LSAMP: variants seen among roughly 807,000 people sequenced by gnomAD.
The protein encoded by LSAMP is limbic system-associated membrane protein.
LSAMP carries 7 observed loss-of-function variants against 38.6 expected under a neutral mutation model. That is an observed-to-expected ratio of 0.18 (90% CI 0.10 to 0.34). The LOEUF (loss-of-function observed/expected upper bound fraction) is 0.34, where lower values mean the gene tolerates loss of function less well. Among genes scored for constraint, LSAMP ranks in the 10% least tolerant of loss-of-function variants. The pLI, the probability that LSAMP is intolerant of heterozygous loss-of-function variation, is 1.00. For synonymous variants in LSAMP, 154 were observed against 166.8 expected, an observed-to-expected ratio of 0.92 and a Z score of 0.59; for missense variants, 313 against 420.0, an observed-to-expected ratio of 0.75 and a Z score of 2.23.
intron 1 of LSAMP, among the ~76,000 whole-genome samples, chr3:116,281,792 C>A (rs563598211): frequency 6.6e-6 from 1 of 152,292 alleles, no homozygotes; most frequent in South Asian, 2.1e-4. Flanking sequence ...CTCCTCCCCA[C>A]ATTTAAAGTT....
At chr3:115,923,466 C>T (rs952401175) in intron 3 of LSAMP, among the ~76,000 whole-genome samples, 5 of 152,178 alleles carry the variant, frequency 3.3e-5, no homozygotes, top group Non-Finnish European at 7.3e-5. Context: ...TATTTTGGTG[C>T]ATATATTGTT....
intron 3 of LSAMP, among the ~76,000 whole-genome samples, chr3:116,008,303 A>G (rs1431213158): frequency 6.6e-6 from 1 of 152,224 alleles, no homozygotes; most frequent in Non-Finnish European, 1.5e-5. Flanking sequence ...AAAGTAAATT[A>G]TGGACAGCAG....
intron 3 of LSAMP, among the ~76,000 whole-genome samples, chr3:115,921,074 C>T (rs1320324660): frequency 6.6e-6 from 1 of 152,040 alleles, no homozygotes; most frequent in Non-Finnish European, 1.5e-5. Context: ...CTTTCACTTT[C>T]AGCCTGTATG....
chr3:116,236,634 G>A (rs534054488), intron 1 of LSAMP, among the ~76,000 whole-genome samples: 2 of 152,144 alleles, frequency 1.3e-5, no homozygotes, highest in South Asian at 4.1e-4. Context: ...TAAGAAGACA[G>A]CAAATGAGAT....
intron 1 of LSAMP, among the ~76,000 whole-genome samples, chr3:116,417,165 C>T (rs1354338433): frequency 6.6e-6 from 1 of 152,100 alleles, no homozygotes; most frequent in East Asian, 1.9e-4. Flanking sequence ...TGTGTATCAA[C>T]CAAAAATTCA....
At chr3:116,340,063 G>A (rs1047321645) in intron 1 of LSAMP, among the ~76,000 whole-genome samples, 4 of 152,062 alleles carry the variant, frequency 2.6e-5, no homozygotes, top group African/African-American at 9.7e-5. Flanking sequence ...AAGGCATTGG[G>A]AACAGAGCAA....
intron 2 of LSAMP, among the ~76,000 whole-genome samples, chr3:116,054,345 GC>G (rs891638986): frequency 6.6e-6 from 1 of 152,128 alleles, no homozygotes; most frequent in Non-Finnish European, 1.5e-5. Context: ...TATCTGTGGA[GC>G]CCTTTTTGCC....
intron 3 of LSAMP, among the ~76,000 whole-genome samples, chr3:116,004,737 C>CT (rs1940107935): frequency 6.6e-6 from 1 of 151,942 alleles, no homozygotes; most frequent in Admixed American, 6.6e-5. Context: ...AATAGGGAAA[C>CT]AAATGAATAT....
At chr3:116,091,239 G>A (rs1431096482) in intron 1 of LSAMP, among the ~76,000 whole-genome samples, 11 of 152,176 alleles carry the variant, frequency 7.2e-5, no homozygotes, top group African/African-American at 2.7e-4. Context: ...GCTCACCGGC[G>A]GCCAGAGTTT....
intron 3 of LSAMP, among the ~76,000 whole-genome samples, chr3:115,908,280 A>G (rs1455250225): frequency 1.3e-5 from 2 of 152,032 alleles, no homozygotes; most frequent in African/African-American, 4.8e-5. Flanking sequence ...CTACCCCTCA[A>G]TATCCAATCA....
At chr3:116,210,717 C>T (rs2046145119) in intron 1 of LSAMP, among the ~76,000 whole-genome samples, 1 of 152,050 alleles carries the variant, frequency 6.6e-6, no homozygotes, top group South Asian at 2.1e-4. Flanking sequence ...CTTTAGTGAA[C>T]TCTAATATAA....
intron 1 of LSAMP, among the ~76,000 whole-genome samples, chr3:116,105,997 A>T (rs1324518847): frequency 2.6e-5 from 4 of 151,516 alleles, no homozygotes. Context: ...TATTGTGGGG[A>T]TGTTAGAAGA....
At chr3:116,400,895 T>C (rs750575356) in intron 1 of LSAMP, among the ~76,000 whole-genome samples, 14 of 152,222 alleles carry the variant, frequency 9.2e-5, no homozygotes, top group Non-Finnish European at 1.9e-4. Flanking sequence ...TGCAGTGGTT[T>C]GGTTGTACTG....
chr3:116,158,311 C>T (rs1429915073), intron 1 of LSAMP, among the ~76,000 whole-genome samples: 2 of 152,136 alleles, frequency 1.3e-5, no homozygotes, highest in Non-Finnish European at 2.9e-5. Flanking sequence ...AGGATGCCCT[C>T]TCTCATCACT....
In LSAMP at chr3:116,270,009, CA is replaced by C. The variant is rs909021021; in HGVS notation, c.155+174867del. ...ATTCTTCAAGCTAAACCATTTTTAA[CA>C]TGACAAATTTTTCTAAAATTCTAAT... On this transcript the variant is annotated intron_variant, in intron 1 of 6. Coordinates refer to ENST00000490035, the MANE Select transcript of LSAMP (RefSeq NM_002338.5). Among the ~76,000 whole-genome samples the C allele has an allele frequency of 6.0e-4, 91 of 152,292 alleles. 1 individual carries two copies. The highest frequency in any genetic ancestry group is 2.1e-3 in the African/African-American group (87 of 41,584).
At chr3:116,075,383 G>T (rs1034641652) in intron 2 of LSAMP, among the ~76,000 whole-genome samples, 1 of 148,834 alleles carries the variant, frequency 6.7e-6, no homozygotes, top group South Asian at 2.1e-4. Context: ...TGATCCGCCC[G>T]CCTCAGCCTC....
At chr3:116,414,530 A>T (rs972971658) in intron 1 of LSAMP, among the ~76,000 whole-genome samples, 1 of 152,146 alleles carries the variant, frequency 6.6e-6, no homozygotes, top group Non-Finnish European at 1.5e-5. Flanking sequence ...TGAAGCAGAC[A>T]GAGCAATCGT....
At chr3:116,053,723 T>C (rs1312046741) in intron 2 of LSAMP, among the ~76,000 whole-genome samples, 1 of 152,160 alleles carries the variant, frequency 6.6e-6, no homozygotes, top group Admixed American at 6.5e-5. Context: ...GAAAGATGAA[T>C]GTCAGGCTGA....
At chr3:116,249,013 G>C (rs1474967511) in intron 1 of LSAMP, among the ~76,000 whole-genome samples, 1 of 152,006 alleles carries the variant, frequency 6.6e-6, no homozygotes, top group East Asian at 1.9e-4. Context: ...GCCGGGCATG[G>C]TGGCAGGCAC....
Sources: allele counts gnomAD v4.1 joint callset (sites outside exome capture counted in the v4.1 genomes callset), GRCh38; gene constraint gnomAD v4.1.1; transcripts MANE v1.5; gene names NCBI Gene and HGNC (gene_info 2026-07-23, HGNC 2026-07-21).